The following BCCIP variants were observed in gnomAD, a reference collection of about 807,000 sequenced individuals.
BCCIP encodes BRCA2 and CDKN1A interacting protein.
Under a neutral mutation model 32.8 loss-of-function variants are expected in BCCIP, and 23 were observed. That is an observed-to-expected ratio of 0.70 (90% CI 0.51 to 0.99). BCCIP has a LOEUF of 0.99. Among genes scored for constraint, BCCIP ranks in the 50% least tolerant of loss-of-function variants. BCCIP has a pLI of 0.00. For synonymous variants in BCCIP, 144 were observed against 137.6 expected (o/e 1.05, Z -0.33); for missense variants, 378 against 379.8 (o/e 1.00, Z 0.04).
chr10:125,846,735 T>A (rs776439899), downstream of BCCIP, among the ~76,000 whole-genome samples: 13 of 152,204 alleles, frequency 8.5e-5, no homozygotes, highest in Non-Finnish European at 1.8e-4. Flanking sequence ...ACATTATCAC[T>A]ACTAACCCCA....
At chr10:125,836,876 G>T, downstream of BCCIP, 1 of 1,611,052 alleles carries the variant, frequency 6.2e-7, no homozygotes, top group Non-Finnish European at 8.5e-7. Flanking sequence ...AAGACAAAAA[G>T]ATGAGATTAT....
At chr10:125,826,530 GT>G in intron 1 of BCCIP, 60 bp from the exon 2 acceptor site, 1 of 1,601,630 alleles carries the variant, frequency 6.2e-7, no homozygotes, top group Non-Finnish European at 8.5e-7. Flanking sequence ...ATGTTTGCCT[GT>G]TTTAAAGTCT....
chr10:125,843,504 C>T (rs1385454874), downstream of BCCIP, among the ~76,000 whole-genome samples: 6 of 151,704 alleles, frequency 4.0e-5, no homozygotes, highest in African/African-American at 9.7e-5. Context: ...CCCAGCTACT[C>T]GGGAGGTTGA....
chr10:125,851,125 A>G (rs749289482), intron 7 of BCCIP, among the ~76,000 whole-genome samples: 3 of 152,256 alleles, frequency 2.0e-5, no homozygotes, highest in Non-Finnish European at 4.4e-5. Context: ...CACATGGTTC[A>G]TGCATCCTGA....
downstream of BCCIP, among the ~76,000 whole-genome samples, chr10:125,839,834 T>C (rs1854819072): frequency 1.3e-5 from 2 of 152,140 alleles, no homozygotes; most frequent in Non-Finnish European, 2.9e-5. Flanking sequence ...CATGGCACCA[T>C]GGACAGAAGA....
At position 125,852,705 on chromosome 10, in the gene BCCIP, C is replaced by G. The variant is rs1459586537; in HGVS notation, c.851-420C>G. 4 of 1,431,852 alleles carry G rather than the reference C, an allele frequency of 2.8e-6. No individual in the cohort carries two copies. The African/African-American group carries it at 5.7e-5, about 20-fold the overall frequency. 88.7% of individuals were successfully genotyped at this position (1,431,852 alleles called of 1,614,324 possible). A position where few individuals can be genotyped will look rare whatever the true frequency, so the allele number is the denominator to read the frequency against. On this transcript the variant is annotated intron_variant, in intron 7 of 7. Transcript: ENST00000368759. The stretch of plus-strand genomic sequence containing the variant: ...GTCATGATTCAGTAGGCTCACTGAT[C>G]CTGAAGAGAATATGCTGCGCAGTAC...
At chr10:125,847,431 A>G (rs1035453538), downstream of BCCIP, among the ~76,000 whole-genome samples, 3 of 152,208 alleles carry the variant, frequency 2.0e-5, no homozygotes, top group South Asian at 2.1e-4. Context: ...GAGTGCTTCC[A>G]GAGTGCCACT....
At chr10:125,846,930 C>T (rs989735884), downstream of BCCIP, among the ~76,000 whole-genome samples, 4 of 152,142 alleles carry the variant, frequency 2.6e-5, no homozygotes, top group African/African-American at 9.7e-5. Flanking sequence ...GTACCCATCG[C>T]GGCCTGGGGG....
At chr10:125,846,336 C>T (rs1468567354), downstream of BCCIP, among the ~76,000 whole-genome samples, 1 of 152,150 alleles carries the variant, frequency 6.6e-6, no homozygotes, top group African/African-American at 2.4e-5. Flanking sequence ...CCAGAACAAC[C>T]TAGAAAAATC....
chr10:125,826,991 GTC>G (rs978448230), intron 2 of BCCIP, among the ~76,000 whole-genome samples: 1 of 12,924 alleles, frequency 7.7e-5, no homozygotes, highest in Non-Finnish European at 2.1e-4. Context: ...GTGAGCCTCT[GTC>G]TCTAAAAAAA....
intron 5 of BCCIP, among the ~76,000 whole-genome samples, chr10:125,832,979 G>A (rs1480596046): frequency 1.3e-5 from 2 of 151,572 alleles, no homozygotes; most frequent in East Asian, 1.9e-4. Context: ...AAAATTAGCC[G>A]GGTATGGTGG....
intron 7 of BCCIP, among the ~76,000 whole-genome samples, chr10:125,850,563 C>A (rs936417770): frequency 1.3e-5 from 2 of 152,014 alleles, no homozygotes; most frequent in African/African-American, 4.8e-5. Flanking sequence ...CCACGTTGGT[C>A]AGGCTGGTCT....
chr10:125,828,089 G>A (rs888782836), intron 3 of BCCIP, among the ~76,000 whole-genome samples: 87 of 151,960 alleles, frequency 5.7e-4, no homozygotes, highest in African/African-American at 2.1e-3. Flanking sequence ...ATTAAATGCA[G>A]TAGTCCAGGT....
At chr10:125,841,074 C>CACG (rs1854864721), downstream of BCCIP, 1 of 1,504,556 alleles carries the variant, frequency 6.6e-7, no homozygotes, top group Non-Finnish European at 9.0e-7. Context: ...GGGGAGGGGT[C>CACG]ACGACTGTTA....
chr10:125,828,910 G>C (rs1854464946), intron 3 of BCCIP, among the ~76,000 whole-genome samples: 1 of 152,214 alleles, frequency 6.6e-6, no homozygotes, highest in African/African-American at 2.4e-5. Flanking sequence ...CGGGAGCTTA[G>C]CTGGGACTCT....
At chr10:125,830,887 A>T (rs1854506562) in intron 4 of BCCIP, among the ~76,000 whole-genome samples, 1 of 152,142 alleles carries the variant, frequency 6.6e-6, no homozygotes, top group Admixed American at 6.5e-5. Flanking sequence ...TGCAGTCCTG[A>T]TGTTGGTACT....
chr10:125,827,908 C>T (rs925402209), intron 3 of BCCIP, among the ~76,000 whole-genome samples: 1 of 145,590 alleles, frequency 6.9e-6, no homozygotes, highest in African/African-American at 2.6e-5. Flanking sequence ...AAGTTGAAGG[C>T]CATGGTGAGC....
chr10:125,840,961 C>G (rs1386382815), downstream of BCCIP: 1 of 1,610,880 alleles, frequency 6.2e-7, no homozygotes, highest in Admixed American at 1.7e-5. Context: ...GCAGCCTCTT[C>G]AGCTCCATGT....
chr10:125,841,079 C>G, downstream of BCCIP: 2 of 1,476,100 alleles, frequency 1.4e-6, no homozygotes. Flanking sequence ...GGGGTCACGA[C>G]TGTTAGTGGC....
Sources: allele counts gnomAD v4.1 joint callset (sites outside exome capture counted in the v4.1 genomes callset), GRCh38; gene constraint gnomAD v4.1.1; transcripts MANE v1.5; gene names NCBI Gene and HGNC (gene_info 2026-07-23, HGNC 2026-07-21).